DISC1: variants seen among roughly 807,000 people sequenced by gnomAD.
DISC1 encodes the protein DISC1 scaffold protein.
A neutral mutation model predicts 84.5 loss-of-function variants in DISC1; 57 were observed. The observed-to-expected ratio is 0.67, with a 90% CI of 0.55 to 0.84. The LOEUF (loss-of-function observed/expected upper bound fraction) is 0.84. DISC1 is among the 40% of genes least tolerant of loss of function. The pLI is 0.00. For synonymous variants in DISC1, 411 were observed against 415.2 expected (o/e 0.99, Z 0.12); for missense variants, 1,000 against 1,057.8 (o/e 0.95, Z 0.76).
At chr1:231,906,182 C>G (rs567339235) in intron 9 of DISC1, among the ~76,000 whole-genome samples, 1 of 151,988 alleles carries the variant, frequency 6.6e-6, no homozygotes, top group South Asian at 2.1e-4. Flanking sequence ...GTTACCACGC[C>G]GGGCTAATTT....
intron 4 of DISC1, among the ~76,000 whole-genome samples, chr1:231,764,332 T>C (rs1315047311): frequency 6.6e-6 from 1 of 152,244 alleles, no homozygotes. Context: ...TTAGTGTGTG[T>C]TGGCAAACAT....
intron 3 of DISC1, among the ~76,000 whole-genome samples, chr1:231,720,244 C>A (rs1558417326): frequency 6.6e-6 from 1 of 152,154 alleles, no homozygotes; most frequent in Non-Finnish European, 1.5e-5. Context: ...CTCGCAGGTA[C>A]CCCACTATAG....
At chr1:231,959,255 A>T (rs1660054123) in intron 10 of DISC1, 1 of 998,492 alleles carries the variant, frequency 1.0e-6, no homozygotes, top group Non-Finnish European at 1.2e-6. Context: ...GGCGGTTTAT[A>T]CATGGTTTGG....
Position 232,014,370 on chromosome 1 carries a change from A to G in DISC1, c.2307+5321A>G, listed in dbSNP as rs529702818. On this transcript the variant is annotated intron_variant, in intron 11 of 12. Coordinates refer to ENST00000439617, the MANE Select transcript of DISC1 (RefSeq NM_018662.3). Reference sequence around the variant, plus strand: ...ACAAGGGAAAAATGTTCACTTACCCATCAGCTGGTTTTGCTCTTTTTGTTT... The same window carrying G: ...ACAAGGGAAAAATGTTCACTTACCCGTCAGCTGGTTTTGCTCTTTTTGTTT... Among the ~76,000 whole-genome samples, 164 of 152,324 alleles carry G rather than the reference A, an allele frequency of 1.1e-3. 3 individuals carry two copies. The highest frequency in any genetic ancestry group is 9.2e-4 in the Admixed American group (14 of 15,296).
chr1:232,021,706 C>G (rs1472043223), intron 11 of DISC1, among the ~76,000 whole-genome samples: 1 of 152,132 alleles, frequency 6.6e-6, no homozygotes, highest in South Asian at 2.1e-4. Flanking sequence ...CCTGTTTTAC[C>G]TACTATGGCT....
At chr1:231,910,047 C>T (rs1299165685) in intron 9 of DISC1, among the ~76,000 whole-genome samples, 11 of 152,000 alleles carry the variant, frequency 7.2e-5, no homozygotes, top group African/African-American at 2.7e-4. Flanking sequence ...TTTTATTGCA[C>T]CTATTTGATT....
chr1:231,779,076 G>C (rs574874143), intron 6 of DISC1, among the ~76,000 whole-genome samples: 1 of 152,206 alleles, frequency 6.6e-6, no homozygotes, highest in East Asian at 1.9e-4. Context: ...GCCAGGCAGG[G>C]ATAAGTCTCA....
At chr1:232,033,916 G>A (rs1485739006) in intron 12 of DISC1, among the ~76,000 whole-genome samples, 1 of 152,086 alleles carries the variant, frequency 6.6e-6, no homozygotes, top group African/African-American at 2.4e-5. Flanking sequence ...TTTTTCTAGA[G>A]CTATAAATGG....
chr1:232,011,275 C>T (rs773597998), intron 11 of DISC1, among the ~76,000 whole-genome samples: 11 of 152,136 alleles, frequency 7.2e-5, no homozygotes, highest in Non-Finnish European at 1.3e-4. Context: ...GAGCCTTATC[C>T]TAGGTCCTGT....
chr1:231,773,574 CA>C (rs745553443), intron 6 of DISC1, among the ~76,000 whole-genome samples: 9 of 152,052 alleles, frequency 5.9e-5, no homozygotes, highest in Non-Finnish European at 1.2e-4. Flanking sequence ...TTAGTAGAGA[CA>C]GGGTTTCACC....
chr1:231,634,604 T>C (rs2059032345), intron 1 of DISC1, among the ~76,000 whole-genome samples: 1 of 152,216 alleles, frequency 6.6e-6, no homozygotes, highest in African/African-American at 2.4e-5. Flanking sequence ...CTCGACTCTA[T>C]TAATCATTTT....
At chr1:231,950,133 TATTCCACTTTTAAAACAAAGTCCCAA>T (rs1658054399) in intron 9 of DISC1, among the ~76,000 whole-genome samples, 1 of 151,994 alleles carries the variant, frequency 6.6e-6, no homozygotes, top group South Asian at 2.1e-4. Context: ...AAGAAGATAG[TATTCCACTTTTAAAACAAAGTCCCAA>T]ATTTTCTTCC....
chr1:231,960,985 A>T (rs1452448062), intron 10 of DISC1, among the ~76,000 whole-genome samples: 1 of 152,252 alleles, frequency 6.6e-6, no homozygotes, highest in Non-Finnish European at 1.5e-5. Context: ...AGGAGGTTAC[A>T]TAGGATACAG....
At chr1:231,919,907 A>G (rs2089891197) in intron 9 of DISC1, among the ~76,000 whole-genome samples, 1 of 152,106 alleles carries the variant, frequency 6.6e-6, no homozygotes, top group Admixed American at 6.6e-5. Flanking sequence ...CTTAAATTAA[A>G]ATTTTTTGGT....
At chr1:232,029,526 A>G (rs545980233) in intron 12 of DISC1, among the ~76,000 whole-genome samples, 1 of 152,360 alleles carries the variant, frequency 6.6e-6, no homozygotes, top group East Asian at 1.9e-4. Context: ...TACAATGCTG[A>G]GTGTGGCTGA....
chr1:232,009,235 T>C lies in DISC1; in HGVS notation c.2307+186T>C, dbSNP rs969712172. On this transcript the variant is annotated intron_variant, in intron 11 of 12. Transcript: ENST00000439617. This position sits in a 1 kb window ranked among gnomAD's most constrained non-coding sequence, Gnocchi z 4.6. ...AGAATTTTTGTAGAAGTTTGAAATA[T>C]AGAAGAGCAAAAAAACCCAACTTTT... 88 of 1,403,732 alleles carry C rather than the reference T, an allele frequency of 6.3e-5. No individual in the cohort carries two copies. The Middle Eastern group carries it at 1.1e-3, about 17-fold the overall frequency. 87.0% of individuals were successfully genotyped at this position (1,403,732 alleles called of 1,614,324 possible).
intron 3 of DISC1, among the ~76,000 whole-genome samples, chr1:231,704,713 TGG>T (rs2066825534): frequency 1.6e-5 from 2 of 126,362 alleles, no homozygotes; most frequent in African/African-American, 3.1e-5. Flanking sequence ...TGAGCCGAGA[TGG>T]CGCCACTGCA....
intron 9 of DISC1, among the ~76,000 whole-genome samples, chr1:231,834,206 AAGG>A (rs1194731984): frequency 1.3e-5 from 2 of 152,146 alleles, no homozygotes; most frequent in Non-Finnish European, 2.9e-5. Flanking sequence ...GACCGGGTGT[AAGG>A]AGGAGAGGTG....
At chr1:231,793,965 A>G (rs1389048512) in intron 6 of DISC1, among the ~76,000 whole-genome samples, 2 of 151,956 alleles carry the variant, frequency 1.3e-5, no homozygotes, top group Non-Finnish European at 2.9e-5. Context: ...TTTTTTGGAG[A>G]TGGAGTCAGG....
Sources: allele counts gnomAD v4.1 joint callset (sites outside exome capture counted in the v4.1 genomes callset), GRCh38; gene constraint gnomAD v4.1.1; non-coding constraint Gnocchi (gnomAD v3.1); transcripts MANE v1.5; gene names NCBI Gene and HGNC (gene_info 2026-07-23, HGNC 2026-07-21).